The following DPF3 variants were observed in gnomAD, a reference collection of about 807,000 sequenced individuals.
The protein encoded by DPF3 is double PHD fingers 3.
A neutral mutation model predicts 56.8 loss-of-function variants in DPF3; 18 were observed. The observed-to-expected ratio is 0.32, with a 90% CI of 0.22 to 0.47. The LOEUF is 0.47. DPF3 is among the 20% of genes least tolerant of loss of function. The pLI is 1.00. For synonymous variants in DPF3, 188 were observed against 180.2 expected (o/e 1.04, Z -0.35); for missense variants, 403 against 488.8 (o/e 0.82, Z 1.65).
intron 1 of DPF3, among the ~76,000 whole-genome samples, chr14:72,796,940 T>C (rs185184701): frequency 9.9e-5 from 15 of 152,116 alleles, no homozygotes; most frequent in East Asian, 7.7e-4. Context: ...CATGAGGAAG[T>C]GACAAGAAAT....
intron 8 of DPF3, chr14:72,670,668 A>T (rs918531509): frequency 1.0e-6 from 1 of 978,420 alleles, no homozygotes; most frequent in African/African-American, 2.1e-5. Flanking sequence ...TCGCAAAAAA[A>T]GTCTGATTCT....
At chr14:72,875,294 C>A (rs1408230893) in intron 1 of DPF3, among the ~76,000 whole-genome samples, 1 of 152,122 alleles carries the variant, frequency 6.6e-6, no homozygotes, top group African/African-American at 2.4e-5. Context: ...GTGGTCCCAG[C>A]CACTTGGGAA....
chr14:72,681,564 G>C (rs1201148152), intron 7 of DPF3, among the ~76,000 whole-genome samples: 1 of 152,164 alleles, frequency 6.6e-6, no homozygotes, highest in Non-Finnish European at 1.5e-5. Context: ...TCAAAATGTG[G>C]CGTCAACCCT....
intron 3 of DPF3, among the ~76,000 whole-genome samples, chr14:72,748,859 T>C (rs10142114): frequency 0.31 from 46,670 of 152,202 alleles, 8,105 homozygotes; most frequent in Middle Eastern, 0.39. Flanking sequence ...TGGAAACCTC[T>C]GCCTAGATTT....
At chr14:72,878,798 A>G (rs1402589807) in intron 1 of DPF3, among the ~76,000 whole-genome samples, 1 of 152,238 alleles carries the variant, frequency 6.6e-6, no homozygotes, top group Non-Finnish European at 1.5e-5. Flanking sequence ...TGACCAAGAA[A>G]CAAGAGGCTA....
chr14:72,704,451 C>G (rs1888320942), intron 6 of DPF3, among the ~76,000 whole-genome samples: 1 of 152,174 alleles, frequency 6.6e-6, no homozygotes, highest in African/African-American at 2.4e-5. Context: ...CCTCCCATGC[C>G]AGGACATCAG....
chr14:72,698,424 A>C (rs1888004796), intron 6 of DPF3, among the ~76,000 whole-genome samples: 1 of 152,240 alleles, frequency 6.6e-6, no homozygotes, highest in African/African-American at 2.4e-5. Context: ...TACACCTCTA[A>C]TACCAGCACT....
chr14:72,879,774 C>A, intron 1 of DPF3: 1 of 1,521,424 alleles, frequency 6.6e-7, no homozygotes, highest in South Asian at 1.2e-5. Flanking sequence ...CTAACAAGTT[C>A]ACACACGTCT....
intron 8 of DPF3, among the ~76,000 whole-genome samples, chr14:72,665,660 G>A (rs1886412181): frequency 6.6e-6 from 1 of 152,214 alleles, no homozygotes; most frequent in Non-Finnish European, 1.5e-5. Context: ...AACTATTCCA[G>A]ATTAAAGGAC....
chr14:72,670,972 TG>T (rs1886645618), intron 8 of DPF3: 8 of 492,864 alleles, frequency 1.6e-5, no homozygotes, highest in Non-Finnish European at 2.7e-5. Context: ...AACAGAGGGG[TG>T]GGGGGAGGGA....
At chr14:72,835,765 G>A (rs2140059410) in intron 1 of DPF3, among the ~76,000 whole-genome samples, 1 of 152,262 alleles carries the variant, frequency 6.6e-6, no homozygotes, top group East Asian at 1.9e-4. Flanking sequence ...CCAAATGCCA[G>A]GGTGGCAGCA....
chr14:72,869,223 A>G (rs1046798933), intron 1 of DPF3, among the ~76,000 whole-genome samples: 2 of 152,172 alleles, frequency 1.3e-5, no homozygotes, highest in African/African-American at 4.8e-5. Context: ...ATACTCTTCT[A>G]TCTTCCTGGA....
chr14:72,686,931 C>A (rs562458641), intron 7 of DPF3, among the ~76,000 whole-genome samples: 1 of 152,186 alleles, frequency 6.6e-6, no homozygotes, highest in Admixed American at 6.5e-5. Flanking sequence ...AAGCTTTTGG[C>A]CGCCCTCAAG....
chr14:72,822,428 A>T (rs1179232367), intron 1 of DPF3, among the ~76,000 whole-genome samples: 1 of 152,150 alleles, frequency 6.6e-6, no homozygotes, highest in African/African-American at 2.4e-5. Context: ...TTGTTAAAAA[A>T]TTTTTAAAGG....
At chr14:72,639,970 G>C (rs1194924403) in intron 8 of DPF3, among the ~76,000 whole-genome samples, 5 of 144,192 alleles carry the variant, frequency 3.5e-5, no homozygotes. Flanking sequence ...AATAATGCTG[G>C]AGAGGCTCAG....
At position 72,803,646 on chromosome 14, in the gene DPF3, G is replaced by C. The variant is rs78065664; in HGVS notation, c.33-31753C>G. ...GCAACTGGAGTGGAAGCTCCACAAG[G>C]GTATGAATGCTGTCTTTTGTTTTCC... On this transcript the variant is annotated intron_variant, in intron 1 of 10. Coordinates refer to ENST00000556509, the MANE Select transcript of DPF3 (RefSeq NM_001280542.3). Among the ~76,000 whole-genome samples, 1,471 of 152,274 alleles carry C rather than the reference G, an allele frequency of 9.7e-3. 28 individuals carry two copies. Among genetic ancestry groups the C allele is most frequent in the African/African-American group, 0.034 (1,398 of 41,548 alleles).
At chr14:72,697,973 A>C (rs906865679) in intron 6 of DPF3, among the ~76,000 whole-genome samples, 1 of 151,908 alleles carries the variant, frequency 6.6e-6, no homozygotes, top group Non-Finnish European at 1.5e-5. Context: ...TTTATTATAG[A>C]TTTCTCTTCC....
chr14:72,691,081 A>G (rs902193650), intron 7 of DPF3, among the ~76,000 whole-genome samples: 2 of 152,116 alleles, frequency 1.3e-5, no homozygotes, highest in African/African-American at 4.8e-5. Context: ...CAGAGAGAAG[A>G]CCTCAGTGTT....
chr14:72,757,137 T>G, intron 2 of DPF3, among the ~76,000 whole-genome samples: 1 of 149,878 alleles, frequency 6.7e-6, no homozygotes, highest in African/African-American at 2.5e-5. Flanking sequence ...AAGAATGATA[T>G]GGGATAGGAA....
Sources: gnomAD v4.1 joint callset for allele counts (sites outside exome capture counted in the v4.1 genomes callset) on GRCh38, gnomAD v4.1.1 for gene constraint, MANE v1.5 for transcripts, NCBI Gene and HGNC (gene_info 2026-07-23, HGNC 2026-07-21) for gene names.